Variants in PCDH11X observed in about 807,000 individuals in gnomAD.
PCDH11X encodes protocadherin 11 X-linked, also known as protocadherin-11 X-linked.
PCDH11X carries 18 observed loss-of-function variants against 53.3 expected under a neutral mutation model. That is an observed-to-expected ratio of 0.34 (90% confidence interval 0.23 to 0.50). The LOEUF is 0.50. PCDH11X is among the 20% of genes least tolerant of loss of function. The probability of loss-of-function intolerance (pLI) is 0.98; values close to 1 mark genes in which losing one functional copy is unlikely to be tolerated. For synonymous variants in PCDH11X, 279 were observed against 393.3 expected (o/e 0.71, Z 3.44); for missense variants, 570 against 1,032.4 (o/e 0.55, Z 6.14).
rs1280261654 is a variant in PCDH11X, at chrX:92,618,130, C to T, written c.3368-134C>T. On this transcript the variant is annotated intron_variant, in intron 10 of 10. Coordinates refer to ENST00000682573, the MANE Select transcript of PCDH11X (RefSeq NM_032968.5). The stretch of plus-strand genomic sequence containing the variant: ...ATTACTGACAAATTAAAAATACCAA[C>T]TCTATAAATAATGGAAGTCTTTAAT... 6.0e-6 allele frequency: 5 copies of T among 834,124 alleles called. No homozygotes were observed. The African/African-American group carries it at 1.0e-4, about 17-fold the overall frequency. The allele number at this position is 834,124 out of a possible 1,213,427, so 68.7% of individuals were successfully genotyped here. A position where few individuals can be genotyped will look rare whatever the true frequency, so the allele number is the denominator to read the frequency against.
At chrX:92,360,263 G>C (rs1449500157) in intron 8 of PCDH11X, among the ~76,000 whole-genome samples, 1 of 110,621 alleles carries the variant, frequency 9.0e-6, no homozygotes, top group African/African-American at 3.3e-5. Flanking sequence ...TTTATACTTT[G>C]TAAAAGTGAA....
chrX:92,288,435 G>A (rs1210239019), intron 8 of PCDH11X, among the ~76,000 whole-genome samples: 16 of 104,661 alleles, frequency 1.5e-4, no homozygotes, highest in South Asian at 4.5e-4. Flanking sequence ...TGTCGCCCAG[G>A]CTGGAGTGCA....
chrX:92,285,506 G>A (rs2068350227), intron 8 of PCDH11X, among the ~76,000 whole-genome samples: 1 of 110,428 alleles, frequency 9.1e-6, no homozygotes, highest in Non-Finnish European at 1.9e-5. Context: ...GCCCGCTTCG[G>A]CCTCCCAAAG....
At chrX:92,368,807 G>A (rs904372464) in intron 8 of PCDH11X, among the ~76,000 whole-genome samples, 12 of 109,234 alleles carry the variant, frequency 1.1e-4, no homozygotes, top group East Asian at 2.9e-4. Flanking sequence ...GACCCTGTTC[G>A]CCTGGGTATC....
chrX:92,575,204 T>C (rs1922684132), intron 10 of PCDH11X, among the ~76,000 whole-genome samples: 1 of 110,441 alleles, frequency 9.1e-6, no homozygotes, highest in Non-Finnish European at 1.9e-5. Flanking sequence ...TGTATGTAAA[T>C]AAACAAATGC....
At chrX:92,449,563 C>A (rs2148645116) in intron 9 of PCDH11X, among the ~76,000 whole-genome samples, 1 of 111,372 alleles carries the variant, frequency 9.0e-6, no homozygotes, top group East Asian at 2.8e-4. Context: ...GAAATTGAGG[C>A]TGGAGAAGGA....
chrX:91,950,985 C>A (rs900854259), intron 6 of PCDH11X, among the ~76,000 whole-genome samples: 1 of 110,631 alleles, frequency 9.0e-6, no homozygotes, highest in Non-Finnish European at 1.9e-5. Flanking sequence ...CTATGAGCAA[C>A]CTTATTTTTT....
chrX:92,604,097 C>A (rs1195768822), intron 10 of PCDH11X, among the ~76,000 whole-genome samples: 1 of 107,265 alleles, frequency 9.3e-6, no homozygotes, highest in Non-Finnish European at 1.9e-5. Flanking sequence ...TAGGTAGAAG[C>A]AAAGTATTGG....
intron 8 of PCDH11X, among the ~76,000 whole-genome samples, chrX:92,370,236 A>T (rs2070582534): frequency 9.1e-6 from 1 of 110,483 alleles, no homozygotes; most frequent in Non-Finnish European, 1.9e-5. Context: ...TTTCTACTTT[A>T]ATATATAGTT....
chrX:91,881,237 TA>T lies in PCDH11X; in HGVS notation c.3033+1969del, dbSNP rs1939886046. Among the ~76,000 whole-genome samples the T allele has an allele frequency of 2.7e-5, 3 of 111,063 alleles. No homozygotes were observed. In the East Asian group the frequency reaches 8.5e-4, roughly 31 times the overall value. On this transcript the variant is annotated intron_variant, in intron 6 of 10. Coordinates refer to ENST00000682573, the MANE Select transcript of PCDH11X (RefSeq NM_032968.5). ...TTTTTTTAAAAATATTTTGTAATCC[TA>T]AAAAGTCATTAAAAATAATAAACCT...
intron 2 of PCDH11X, 142 bp from the exon 3 acceptor site, chrX:91,810,331 A>T (rs191138477): frequency 1.8e-5 from 2 of 111,917 alleles, no homozygotes; most frequent in East Asian, 5.6e-4. Context: ...AGAAATATTT[A>T]ACCTATTCTT....
At chrX:92,617,850 A>AT (rs1168224798) in intron 10 of PCDH11X, among the ~76,000 whole-genome samples, 1 of 110,983 alleles carries the variant, frequency 9.0e-6, no homozygotes, top group Non-Finnish European at 1.9e-5. Context: ...TTAGCTAACT[A>AT]TTTTTTAGCT....
chrX:92,392,993 C>A (rs184295224), intron 9 of PCDH11X, among the ~76,000 whole-genome samples: 1 of 110,298 alleles, frequency 9.1e-6, no homozygotes, highest in African/African-American at 3.3e-5. Context: ...TAATGTTACC[C>A]GTATAACTGT....
intron 8 of PCDH11X, among the ~76,000 whole-genome samples, chrX:92,324,702 G>T (rs953984874): frequency 1.0e-5 from 1 of 96,026 alleles, no homozygotes; most frequent in East Asian, 3.3e-4. Flanking sequence ...TATTTTCAGG[G>T]GTACATGTGC....
chrX:92,433,233 T>C (rs1216505223), intron 9 of PCDH11X, among the ~76,000 whole-genome samples: 1 of 111,675 alleles, frequency 9.0e-6, no homozygotes, highest in Non-Finnish European at 1.9e-5. Context: ...TTTGCTGTTT[T>C]AAAGCTTCAG....
At chrX:92,430,830 ACT>A (rs200050650) in intron 9 of PCDH11X, among the ~76,000 whole-genome samples, 2,595 of 109,569 alleles carry the variant, frequency 0.024, 49 homozygotes, top group Non-Finnish European at 0.038. Context: ...CAGGTTTACA[ACT>A]CTGTTTGCAA....
At chrX:92,449,024 T>C (rs1246271119) in intron 9 of PCDH11X, among the ~76,000 whole-genome samples, 2 of 112,022 alleles carry the variant, frequency 1.8e-5, no homozygotes, top group Admixed American at 9.5e-5. Flanking sequence ...TTTTCTAAAG[T>C]CCTCTTATAA....
At chrX:91,838,125 G>A (rs951383509) in intron 5 of PCDH11X, among the ~76,000 whole-genome samples, 25 of 111,736 alleles carry the variant, frequency 2.2e-4, no homozygotes, top group Non-Finnish European at 3.0e-4. Context: ...TAATTTTGTC[G>A]TGTCTCCCTT....
At chrX:92,284,676 G>A (rs1380324968) in intron 8 of PCDH11X, among the ~76,000 whole-genome samples, 1 of 105,425 alleles carries the variant, frequency 9.5e-6, no homozygotes, top group Non-Finnish European at 2.0e-5. Flanking sequence ...AGCTAAAATT[G>A]TGTACAAAAA....
Sources: allele counts gnomAD v4.1 joint callset (sites outside exome capture counted in the v4.1 genomes callset), GRCh38; gene constraint gnomAD v4.1.1; transcripts MANE v1.5; gene names NCBI Gene and HGNC (gene_info 2026-07-23, HGNC 2026-07-21).